FRMD6: variants seen among roughly 807,000 people sequenced by gnomAD.
The protein encoded by FRMD6 is FERM domain containing 6.
A neutral mutation model predicts 73.2 loss-of-function variants in FRMD6; 37 were observed. That is an observed-to-expected ratio of 0.51 (90% confidence interval 0.39 to 0.66). The LOEUF is 0.66. FRMD6 is among the 30% of genes least tolerant of loss of function. The pLI, the probability that FRMD6 is intolerant of heterozygous loss-of-function variation, is 0.00. For synonymous variants in FRMD6, 273 were observed against 282.2 expected (o/e 0.97, Z 0.33); for missense variants, 714 against 780.5 (o/e 0.91, Z 1.02).
chr14:51,676,168 G>C (rs4451881), intron 1 of FRMD6, among the ~76,000 whole-genome samples: 64,348 of 151,790 alleles, frequency 0.42, 14,185 homozygotes, highest in African/African-American at 0.55. Context: ...ACAGCTGACT[G>C]TCATCTTGGC....
At chr14:51,573,999 C>G (rs1040652715) in intron 2 of FRMD6, among the ~76,000 whole-genome samples, 1 of 152,186 alleles carries the variant, frequency 6.6e-6, no homozygotes, top group African/African-American at 2.4e-5. Context: ...CCTCTTCAAC[C>G]TATTTTTTTA....
chr14:51,526,533 A>G (rs1885265288), intron 1 of FRMD6, among the ~76,000 whole-genome samples: 1 of 152,162 alleles, frequency 6.6e-6, no homozygotes, highest in African/African-American at 2.4e-5. Context: ...GACCACAGTG[A>G]TAGGTCCCTG....
chr14:51,467,496 G>A, the FRMD6 span, among the ~76,000 whole-genome samples: 1 of 152,234 alleles, frequency 6.6e-6, no homozygotes, highest in African/African-American at 2.4e-5. Flanking sequence ...CTCCCAGACG[G>A]GGTAGCGGCC....
At chr14:51,639,362 T>G (rs183821304) in intron 2 of FRMD6, among the ~76,000 whole-genome samples, 1 of 151,462 alleles carries the variant, frequency 6.6e-6, no homozygotes, top group South Asian at 2.1e-4. Flanking sequence ...GTGAACCCGG[T>G]AGGCGGAGCT....
intron 2 of FRMD6, among the ~76,000 whole-genome samples, chr14:51,636,284 T>C (rs1277070892): frequency 6.6e-6 from 1 of 152,186 alleles, no homozygotes; most frequent in Non-Finnish European, 1.5e-5. Flanking sequence ...TTTAAACAAA[T>C]TACAAAAGAT....
chr14:51,569,563 G>A (rs1887991667), intron 1 of FRMD6, among the ~76,000 whole-genome samples: 1 of 144,174 alleles, frequency 6.9e-6, no homozygotes, highest in African/African-American at 2.6e-5. Flanking sequence ...GCGTGCAGTG[G>A]TGTGAACACA....
chr14:51,641,299 C>T (rs1392419198), intron 2 of FRMD6, among the ~76,000 whole-genome samples: 1 of 152,104 alleles, frequency 6.6e-6, no homozygotes, highest in East Asian at 1.9e-4. Flanking sequence ...TCCTTTAAGA[C>T]TTAATTTTTG....
intron 2 of FRMD6, among the ~76,000 whole-genome samples, chr14:51,632,720 G>A (rs1891385653): frequency 6.6e-6 from 1 of 152,136 alleles, no homozygotes; most frequent in Non-Finnish European, 1.5e-5. Context: ...GAATGTCCAT[G>A]GCCCTTTCTT....
intron 1 of FRMD6, among the ~76,000 whole-genome samples, chr14:51,669,124 C>T (rs1289959132): frequency 6.6e-6 from 1 of 152,232 alleles, no homozygotes; most frequent in Non-Finnish European, 1.5e-5. Flanking sequence ...AAGTTTCCTA[C>T]AGCTCCTTTT....
intron 2 of FRMD6, among the ~76,000 whole-genome samples, chr14:51,614,184 CTT>C (rs2139882558): frequency 6.6e-6 from 1 of 152,066 alleles, no homozygotes; most frequent in African/African-American, 2.4e-5. Flanking sequence ...GTTAAGAACT[CTT>C]TTTTTCTAGG....
At chr14:51,576,364 C>A (rs1888403436) in intron 2 of FRMD6, among the ~76,000 whole-genome samples, 1 of 152,096 alleles carries the variant, frequency 6.6e-6, no homozygotes, top group African/African-American at 2.4e-5. Context: ...CCTGGGAGGG[C>A]ATGACAACAT....
intron 2 of FRMD6, among the ~76,000 whole-genome samples, chr14:51,617,555 T>C (rs1477496188): frequency 6.6e-6 from 1 of 152,166 alleles, no homozygotes; most frequent in African/African-American, 2.4e-5. Context: ...CACATATATG[T>C]TTGAGACCTT....
At chr14:51,660,292 A>G (rs1412751090) in intron 1 of FRMD6, among the ~76,000 whole-genome samples, 1 of 152,194 alleles carries the variant, frequency 6.6e-6, no homozygotes, top group Non-Finnish European at 1.5e-5. Context: ...AGATGTTTCC[A>G]GATGAGTGTG....
chr14:51,427,762 T>A, the FRMD6 span, among the ~76,000 whole-genome samples: 1 of 152,182 alleles, frequency 6.6e-6, no homozygotes, highest in African/African-American at 2.4e-5. Context: ...AATTGTACAT[T>A]TTCAGGAAGT....
intron 2 of FRMD6, among the ~76,000 whole-genome samples, chr14:51,614,914 A>G (rs577604995): frequency 3.3e-5 from 5 of 152,152 alleles, no homozygotes; most frequent in African/African-American, 7.2e-5. Context: ...GAATACATGC[A>G]GTCTATGAGT....
At chr14:51,632,198 T>G (rs1891364122) in intron 2 of FRMD6, among the ~76,000 whole-genome samples, 1 of 152,234 alleles carries the variant, frequency 6.6e-6, no homozygotes, top group South Asian at 2.1e-4. Flanking sequence ...GCCATGATTC[T>G]AAGTTTCCTG....
At chr14:51,399,076 C>G in the FRMD6 span, among the ~76,000 whole-genome samples, 54 of 152,326 alleles carry the variant, frequency 3.5e-4, no homozygotes, top group Admixed American at 2.3e-3. Context: ...TAGCCAAGCC[C>G]TTTTCCTGTG....
the FRMD6 span, among the ~76,000 whole-genome samples, chr14:51,469,538 G>A: frequency 2.7e-5 from 4 of 150,128 alleles, no homozygotes; most frequent in Non-Finnish European, 5.9e-5. Context: ...GCGTGAACCC[G>A]GGAGGCGGAG....
chr14:51,676,361 T>C (rs1050970619), intron 1 of FRMD6, among the ~76,000 whole-genome samples: 2 of 152,184 alleles, frequency 1.3e-5, no homozygotes. Flanking sequence ...ATTATAAAAA[T>C]TACAAGAATT....
Sources: allele counts gnomAD v4.1 joint callset (sites outside exome capture counted in the v4.1 genomes callset), GRCh38; gene constraint gnomAD v4.1.1; transcripts MANE v1.5; gene names NCBI Gene and HGNC (gene_info 2026-07-23, HGNC 2026-07-21).